KCNMA1: variants seen among roughly 807,000 people sequenced by gnomAD.
KCNMA1 encodes the protein potassium calcium-activated channel subfamily M alpha 1.
KCNMA1 carries 29 observed loss-of-function variants against 140.0 expected under a neutral mutation model. That is an observed-to-expected ratio of 0.21 (90% CI 0.15 to 0.28). The LOEUF (loss-of-function observed/expected upper bound fraction) is 0.28. Ranked by LOEUF, KCNMA1 falls within the 10% of genes least tolerant of loss-of-function variation. KCNMA1 has a pLI of 1.00. For synonymous variants in KCNMA1, 612 were observed against 611.9 expected (o/e 1.00, Z 0.00); for missense variants, 880 against 1,602.2 (o/e 0.55, Z 7.70).
chr10:77,572,725 C>T lies in KCNMA1; in HGVS notation c.378+64540G>A, dbSNP rs1364175416. 3.5e-5 allele frequency among the ~76,000 whole-genome samples: 5 copies of T among 143,746 alleles called. No individual in the cohort carries two copies. In the Admixed American group the frequency reaches 3.5e-4, roughly 10 times the overall value. 94.3% of individuals were successfully genotyped at this position (143,746 alleles called of 152,430 possible). A position where few individuals can be genotyped will look rare whatever the true frequency, so the allele number is the denominator to read the frequency against. On this transcript the variant is annotated intron_variant, in intron 1 of 27. Coordinates refer to ENST00000286628, the MANE Select transcript of KCNMA1 (RefSeq NM_001161352.2). Reference sequence around the variant, plus strand: ...GAGCCATGATCATGCCACTGTGCTCCAGCCTGGGCAACAGAGTGAGATCTT... The same window carrying T: ...GAGCCATGATCATGCCACTGTGCTCTAGCCTGGGCAACAGAGTGAGATCTT...
chr10:77,444,718 A>C (rs1228126104), intron 1 of KCNMA1, among the ~76,000 whole-genome samples: 1 of 152,154 alleles, frequency 6.6e-6, no homozygotes, highest in Non-Finnish European at 1.5e-5. Flanking sequence ...CCCGGCATTC[A>C]AAAAGACTTG....
intron 2 of KCNMA1, among the ~76,000 whole-genome samples, chr10:77,389,736 T>G (rs1454270236): frequency 6.6e-6 from 1 of 152,136 alleles, no homozygotes; most frequent in Non-Finnish European, 1.5e-5. Context: ...CACGGCATCC[T>G]TCCCCCTGCC....
intron 3 of KCNMA1, among the ~76,000 whole-genome samples, chr10:77,192,662 A>T (rs2038997645): frequency 6.6e-6 from 1 of 152,218 alleles, no homozygotes; most frequent in South Asian, 2.1e-4. Flanking sequence ...AGTGATAGTA[A>T]TTTCCAAAAC....
chr10:77,061,045 G>C (rs1269137131), intron 14 of KCNMA1, among the ~76,000 whole-genome samples: 1 of 152,140 alleles, frequency 6.6e-6, no homozygotes, highest in Admixed American at 6.5e-5. Context: ...ACAGCAACTA[G>C]GTTTGTAGTA....
At chr10:77,490,449 A>G (rs1411566630) in intron 1 of KCNMA1, among the ~76,000 whole-genome samples, 2 of 152,186 alleles carry the variant, frequency 1.3e-5, no homozygotes, top group African/African-American at 4.8e-5. Context: ...AATACTAAAA[A>G]ATAAAATTAT....
At chr10:77,585,792 T>C (rs575407211) in intron 1 of KCNMA1, among the ~76,000 whole-genome samples, 4 of 152,282 alleles carry the variant, frequency 2.6e-5, no homozygotes, top group African/African-American at 7.2e-5. Flanking sequence ...ATAGGTATAC[T>C]ATATGCTCCT....
At chr10:77,524,537 A>G (rs2054826668) in intron 1 of KCNMA1, among the ~76,000 whole-genome samples, 1 of 152,174 alleles carries the variant, frequency 6.6e-6, no homozygotes, top group African/African-American at 2.4e-5. Context: ...ACACTCTCAA[A>G]AACATGCAGA....
At chr10:77,084,763 T>C (rs1361764813) in intron 11 of KCNMA1, 44 bp from the exon 12 acceptor site, 1 of 1,367,056 alleles carries the variant, frequency 7.3e-7, no homozygotes, top group Admixed American at 1.7e-5. Flanking sequence ...AACATATAAA[T>C]AGCCATGCTC....
At chr10:77,062,397 C>A (rs1425078651) in intron 14 of KCNMA1, among the ~76,000 whole-genome samples, 1 of 152,202 alleles carries the variant, frequency 6.6e-6, no homozygotes, top group Non-Finnish European at 1.5e-5. Context: ...CACTACCTAA[C>A]CCGTCCGGAT....
chr10:77,162,825 G>A (rs762094871), intron 5 of KCNMA1, among the ~76,000 whole-genome samples: 1 of 152,200 alleles, frequency 6.6e-6, no homozygotes, highest in Non-Finnish European at 1.5e-5. Flanking sequence ...CATTTGGAAA[G>A]TTTTATCTAG....
intron 3 of KCNMA1, among the ~76,000 whole-genome samples, chr10:77,188,361 T>G (rs2098899786): frequency 6.6e-6 from 1 of 152,134 alleles, no homozygotes; most frequent in South Asian, 2.1e-4. Flanking sequence ...TTACCCTAAA[T>G]TGCTACGGGT....
At chr10:77,260,566 G>T (rs1026432252) in intron 2 of KCNMA1, among the ~76,000 whole-genome samples, 1 of 152,078 alleles carries the variant, frequency 6.6e-6, no homozygotes, top group African/African-American at 2.4e-5. Context: ...AAAATTAGTT[G>T]GGCGTGGTGC....
chr10:77,508,340 ATT>A (rs58578775), intron 1 of KCNMA1, among the ~76,000 whole-genome samples: 181 of 131,618 alleles, frequency 1.4e-3, no homozygotes, highest in African/African-American at 4.9e-3. Context: ...ATGCCTGGCT[ATT>A]TTTTTTTTTT....
chr10:76,935,408 C>T (rs760718409), intron 23 of KCNMA1, among the ~76,000 whole-genome samples: 3 of 152,156 alleles, frequency 2.0e-5, no homozygotes, highest in African/African-American at 4.8e-5. Context: ...GCTGATGTGC[C>T]GAGAAAAGCA....
intron 25 of KCNMA1, among the ~76,000 whole-genome samples, chr10:76,908,750 C>G (rs2048831844): frequency 6.6e-6 from 1 of 152,126 alleles, no homozygotes; most frequent in African/African-American, 2.4e-5. Flanking sequence ...ATGGATTCTC[C>G]AAAGGTCAAG....
At chr10:76,981,321 T>C (rs935044289) in intron 19 of KCNMA1, among the ~76,000 whole-genome samples, 2 of 151,898 alleles carry the variant, frequency 1.3e-5, no homozygotes, top group Non-Finnish European at 2.9e-5. Flanking sequence ...AGTCAAATAA[T>C]TAGGTTTTGC....
intron 1 of KCNMA1, among the ~76,000 whole-genome samples, chr10:77,408,619 G>A (rs2096548801): frequency 6.6e-6 from 1 of 152,182 alleles, no homozygotes; most frequent in African/African-American, 2.4e-5. Flanking sequence ...CCAGCTTCAG[G>A]AGGACAGGCC....
Position 77,584,168 on chromosome 10 carries a change from G to A in KCNMA1, c.378+53097C>T, listed in dbSNP as rs1459777675. Among the ~76,000 whole-genome samples the A allele has an allele frequency of 2.6e-5, 4 of 152,154 alleles. No individual in the cohort carries two copies. In the East Asian group the frequency reaches 7.7e-4, roughly 29 times the overall value. ...CCTGCCAGTCAGCTCCTTAGGGTCA[G>A]AGAAACACCGTCAGTCCACAGTGCT... On this transcript the variant is annotated intron_variant, in intron 1 of 27. Coordinates refer to ENST00000286628, the MANE Select transcript of KCNMA1 (RefSeq NM_001161352.2).
chr10:77,526,126 T>C (rs1463778161), intron 1 of KCNMA1, among the ~76,000 whole-genome samples: 2 of 152,052 alleles, frequency 1.3e-5, no homozygotes, highest in Admixed American at 1.3e-4. Flanking sequence ...ATGAGAGAAA[T>C]CAGACTTGGT....
Sources: allele counts gnomAD v4.1 joint callset (sites outside exome capture counted in the v4.1 genomes callset), GRCh38; gene constraint gnomAD v4.1.1; transcripts MANE v1.5; gene names NCBI Gene and HGNC (gene_info 2026-07-23, HGNC 2026-07-21).